The following HIBADH variants were observed in gnomAD, a reference collection of about 807,000 sequenced individuals.
The protein encoded by HIBADH is 3-hydroxyisobutyrate dehydrogenase, mitochondrial.
A neutral mutation model predicts 36.1 loss-of-function variants in HIBADH; 25 were observed. The observed-to-expected ratio is 0.69, with a 90% CI of 0.50 to 0.97. HIBADH has a LOEUF of 0.97. HIBADH is among the 50% of genes least tolerant of loss of function. The pLI is 0.00. For synonymous variants in HIBADH, 160 were observed against 149.5 expected, an observed-to-expected ratio of 1.07 and a Z score of -0.51; for missense variants, 421 against 418.0, an observed-to-expected ratio of 1.01 and a Z score of -0.06.
intron 4 of HIBADH, among the ~76,000 whole-genome samples, chr7:27,564,050 C>T (rs1267265678): frequency 6.6e-6 from 1 of 152,018 alleles, no homozygotes; most frequent in Non-Finnish European, 1.5e-5. Context: ...AGGCACCTGC[C>T]ACCACACCCA....
At chr7:27,648,438 G>A (rs1164842451) in intron 2 of HIBADH, among the ~76,000 whole-genome samples, 1 of 152,164 alleles carries the variant, frequency 6.6e-6, no homozygotes, top group Non-Finnish European at 1.5e-5. Context: ...ATATAGTTCT[G>A]AAAATGGCTT....
chr7:27,594,179 C>T (rs1213248285), intron 4 of HIBADH, among the ~76,000 whole-genome samples: 3 of 144,820 alleles, frequency 2.1e-5, no homozygotes, highest in African/African-American at 7.7e-5. Flanking sequence ...GAGTTTCGCT[C>T]GTTGCCCCGG....
chr7:27,529,717 A>C (rs1212161813), intron 7 of HIBADH, among the ~76,000 whole-genome samples: 1 of 152,274 alleles, frequency 6.6e-6, no homozygotes, highest in Non-Finnish European at 1.5e-5. Flanking sequence ...ATAAAGTAGC[A>C]TCAGGGTTTG....
intron 4 of HIBADH, among the ~76,000 whole-genome samples, chr7:27,548,497 A>T (rs1206727989): frequency 6.6e-6 from 1 of 152,066 alleles, no homozygotes; most frequent in Non-Finnish European, 1.5e-5. Context: ...AGTTGTACAA[A>T]GGTCCAAAGA....
intron 4 of HIBADH, among the ~76,000 whole-genome samples, chr7:27,614,795 T>C (rs1161593509): frequency 6.6e-6 from 1 of 152,210 alleles, no homozygotes; most frequent in East Asian, 1.9e-4. Context: ...TGGAGGCTTA[T>C]TTGATGAAAC....
intron 5 of HIBADH, among the ~76,000 whole-genome samples, chr7:27,540,139 T>C (rs1044587472): frequency 9.9e-5 from 15 of 152,280 alleles, no homozygotes; most frequent in African/African-American, 3.6e-4. Flanking sequence ...AAAACGTTTT[T>C]GTATGGTACC....
rs551205768 is a variant in HIBADH, at chr7:27,637,648, A to T, written c.253-5203T>A. ...ATTCAAATATGAAGAGAGGAAGTCA[A>T]CCTATCCCTGTGTGCAGACATGACG... On this transcript the variant is annotated intron_variant, in intron 2 of 7. Transcript: ENST00000265395. Among the ~76,000 whole-genome samples the T allele has an allele frequency of 4.6e-5, 7 of 152,264 alleles. No individual in the cohort carries two copies. In the South Asian group the frequency reaches 1.5e-3, roughly 32 times the overall value.
intron 4 of HIBADH, among the ~76,000 whole-genome samples, chr7:27,596,750 A>G (rs964636293): frequency 6.6e-6 from 1 of 152,216 alleles, no homozygotes; most frequent in African/African-American, 2.4e-5. Flanking sequence ...AGATGTTGGA[A>G]TATCTGCATT....
intron 7 of HIBADH, 29 bp downstream of exon 7, chr7:27,531,163 T>A (rs898631087): frequency 6.3e-7 from 1 of 1,577,072 alleles, no homozygotes. Context: ...CGTTTTTCCT[T>A]CTCTCTTGGG....
At chr7:27,608,979 C>T (rs1785279788) in intron 4 of HIBADH, among the ~76,000 whole-genome samples, 1 of 152,208 alleles carries the variant, frequency 6.6e-6, no homozygotes, top group Admixed American at 6.5e-5. Flanking sequence ...CAGCTGGTGT[C>T]ATGGTTACTT....
Position 27,594,025 on chromosome 7 carries a change from A to AAAATAAAT in HIBADH, c.484+35338_484+35345dup, listed in dbSNP as rs538937381. Among the ~76,000 whole-genome samples, 537 of 149,634 alleles carry AAAATAAAT rather than the reference A, an allele frequency of 3.6e-3. 2 individuals carry two copies. The highest frequency in any genetic ancestry group is 5.8e-3 in the Admixed American group (87 of 15,080). On this transcript the variant is annotated intron_variant, in intron 4 of 7. Coordinates refer to ENST00000265395, the MANE Select transcript of HIBADH (RefSeq NM_152740.4). Reference sequence around the variant, plus strand: ...GCGACAGAGCGAGACTCCGTCTCAAAAAATAAATAAATAAATAAATAAATA... The same window carrying AAAATAAAT: ...GCGACAGAGCGAGACTCCGTCTCAAAAAATAAATAAATAAATAAATAAATAAATAAATA...
intron 7 of HIBADH, among the ~76,000 whole-genome samples, chr7:27,530,490 A>G: frequency 6.6e-6 from 1 of 152,202 alleles, no homozygotes; most frequent in South Asian, 2.1e-4. Context: ...TAAAGGCATG[A>G]GCTATCGCGC....
At chr7:27,585,157 T>C (rs1266878075) in intron 4 of HIBADH, among the ~76,000 whole-genome samples, 2 of 152,090 alleles carry the variant, frequency 1.3e-5, no homozygotes, top group African/African-American at 4.8e-5. Context: ...TGTGCATGTT[T>C]TTTATATATG....
chr7:27,591,347 C>T (rs1784936669), intron 4 of HIBADH, among the ~76,000 whole-genome samples: 1 of 151,904 alleles, frequency 6.6e-6, no homozygotes, highest in South Asian at 2.1e-4. Flanking sequence ...GTCAGGAGAT[C>T]GAGACCATCC....
At chr7:27,653,413 G>A (rs1786234541) in intron 1 of HIBADH, among the ~76,000 whole-genome samples, 1 of 152,262 alleles carries the variant, frequency 6.6e-6, no homozygotes, top group African/African-American at 2.4e-5. Flanking sequence ...CTGTCAATGA[G>A]CTGAAAAGAT....
chr7:27,582,477 T>C (rs893201701), intron 4 of HIBADH, among the ~76,000 whole-genome samples: 5 of 152,136 alleles, frequency 3.3e-5, no homozygotes, highest in African/African-American at 9.7e-5. Context: ...TGTGGGACTA[T>C]GGGAATTTTT....
chr7:27,632,907 C>T (rs1785771784), intron 2 of HIBADH, among the ~76,000 whole-genome samples: 2 of 151,946 alleles, frequency 1.3e-5, no homozygotes, highest in Admixed American at 1.3e-4. Flanking sequence ...TCCCAGTCCC[C>T]ACCATCCTCC....
chr7:27,574,854 A>T (rs1784685501), intron 4 of HIBADH, among the ~76,000 whole-genome samples: 1 of 152,240 alleles, frequency 6.6e-6, no homozygotes, highest in Non-Finnish European at 1.5e-5. Flanking sequence ...ATACAAAATG[A>T]ACATACCATT....
intron 4 of HIBADH, among the ~76,000 whole-genome samples, chr7:27,618,553 G>A (rs548737088): frequency 6.1e-4 from 93 of 152,274 alleles, no homozygotes; most frequent in East Asian, 1.5e-3. Flanking sequence ...CCCAGCCCCC[G>A]CTGCCACTAC....
Sources: allele counts gnomAD v4.1 joint callset (sites outside exome capture counted in the v4.1 genomes callset), GRCh38; gene constraint gnomAD v4.1.1; transcripts MANE v1.5; gene names NCBI Gene and HGNC (gene_info 2026-07-23, HGNC 2026-07-21).